Variants in CLSPN observed in about 807,000 individuals in gnomAD.
CLSPN encodes claspin, also known as claspin homolog.
In CLSPN, 85 loss-of-function variants were observed where a neutral mutation model predicts 156.3. The ratio of observed to expected loss-of-function variants is 0.54; its 90% CI spans 0.46 to 0.65. CLSPN has a LOEUF of 0.65. CLSPN is among the 30% of genes least tolerant of loss of function. The pLI, the probability that CLSPN is intolerant of heterozygous loss-of-function variation, is 0.00. For synonymous variants in CLSPN, 534 were observed against 542.4 expected (o/e 0.98, Z 0.22); for missense variants, 1,407 against 1,554.9 (o/e 0.90, Z 1.60).
chr1:35,737,991 C>A lies in CLSPN; in HGVS notation c.3664+1G>T. 1 of 1,457,596 alleles carries A rather than the reference C, an allele frequency of 6.9e-7. No individual in the cohort carries two copies. Among genetic ancestry groups the A allele is most frequent in the Non-Finnish European group, 9.2e-7 (1 of 1,088,618 alleles). The allele number at this position is 1,457,596 out of a possible 1,614,324, so 90.3% of individuals were successfully genotyped here. A position where few individuals can be genotyped will look rare whatever the true frequency, so the allele number is the denominator to read the frequency against. On this transcript the variant is annotated splice_donor_variant, in intron 22 of 24. Transcript: ENST00000318121. LOFTEE classifies it high-confidence loss of function. ...GACCCTAAGGAGAAACAAGAGCTCA[C>A]CATTCTTCTGCAGTGCTTTGGCTGT...
chr1:35,763,352 CA>C, intron 3 of CLSPN, 31 bp from the exon 4 acceptor site: 1 of 1,493,134 alleles, frequency 6.7e-7, no homozygotes, highest in South Asian at 1.3e-5. Flanking sequence ...AAGCATAATC[CA>C]ATCATTTAAA....
At position 35,734,572 on chromosome 1, in the gene CLSPN, T is replaced by C. The variant is rs1641398350; in HGVS notation, c.*1924A>G. On this transcript the variant is annotated 3_prime_UTR_variant, in exon 25 of 25. Coordinates refer to ENST00000318121, the MANE Select transcript of CLSPN (RefSeq NM_022111.4). ...GGCAGGTGCCTGTAATCCCTGCTAT[T>C]TGGGAGGCCGAGGCAGAATTGCTTG... The C allele has an allele frequency of 3.3e-6, 1 of 307,450 alleles. No homozygotes were observed. Among genetic ancestry groups the C allele is most frequent in the South Asian group, 1.3e-4 (1 of 7,776 alleles). 19.0% of individuals were successfully genotyped at this position (307,450 alleles called of 1,614,324 possible).
intron 1 of CLSPN, among the ~76,000 whole-genome samples, chr1:35,766,055 T>C (rs1259249713): frequency 1.4e-5 from 2 of 143,654 alleles, no homozygotes; most frequent in Non-Finnish European, 3.0e-5. Flanking sequence ...AGTGCAGTGG[T>C]GCAATCTCGG....
chr1:35,745,724 T>G (rs1472971988), intron 15 of CLSPN, among the ~76,000 whole-genome samples, 162 bp from the exon 16 acceptor site: 1 of 152,234 alleles, frequency 6.6e-6, no homozygotes, highest in Non-Finnish European at 1.5e-5. Flanking sequence ...GTGCTTACTA[T>G]GTGCCATATG....
In CLSPN at chr1:35,734,891, A is replaced by G. The variant is rs934849749; in HGVS notation, c.*1605T>C. 1 of 985,438 alleles carries G rather than the reference A, an allele frequency of 1.0e-6. No homozygotes were observed. The highest frequency in any genetic ancestry group is 1.2e-6 in the Non-Finnish European group (1 of 829,924). 61.0% of individuals were successfully genotyped at this position (985,438 alleles called of 1,614,324 possible). On this transcript the variant is annotated 3_prime_UTR_variant, in exon 25 of 25. Transcript: ENST00000318121. ...TTTTTCCAAAGCAGCACTGATGCTC[A>G]GTTCTGAGGGGAAAAACATTTGTCT...
intron 18 of CLSPN, among the ~76,000 whole-genome samples, chr1:35,742,398 A>G (rs1641725686): frequency 6.6e-6 from 1 of 152,014 alleles, no homozygotes; most frequent in Non-Finnish European, 1.5e-5. Flanking sequence ...GTCTTGCTCT[A>G]TCACCCAGGC....
intron 21 of CLSPN, 77 bp from the exon 22 acceptor site, chr1:35,738,174 T>C (rs1042272046): frequency 6.0e-6 from 4 of 661,844 alleles, no homozygotes. Flanking sequence ...CCTAAATAGT[T>C]AGCATGGCCT....
At position 35,734,725 on chromosome 1, in the gene CLSPN, A is replaced by G. The variant is rs1641408936; in HGVS notation, c.*1771T>C. ...AGAAAAGAAAAAGAAAAAGAAAAGA[A>G]AAGAAAAACTGTAAAAAACCTACAA... On this transcript the variant is annotated 3_prime_UTR_variant, in exon 25 of 25. Transcript: ENST00000318121. 1 of 975,202 alleles carries G rather than the reference A, an allele frequency of 1.0e-6. No individual in the cohort carries two copies. Among genetic ancestry groups the G allele is most frequent in the Non-Finnish European group, 1.2e-6 (1 of 820,816 alleles). The allele number at this position is 975,202 out of a possible 1,614,324, so 60.4% of individuals were successfully genotyped here.
At position 35,735,655 on chromosome 1, in the gene CLSPN, C is replaced by T. The variant is rs1641439480; in HGVS notation, c.*841G>A. The T allele has an allele frequency of 1.1e-6, 1 of 902,410 alleles. No homozygotes were observed. Among genetic ancestry groups the T allele is most frequent in the African/African-American group, 1.8e-5 (1 of 55,470 alleles). The allele number at this position is 902,410 out of a possible 1,614,324, so 55.9% of individuals were successfully genotyped here. On this transcript the variant is annotated 3_prime_UTR_variant, in exon 25 of 25. Coordinates refer to ENST00000318121, the MANE Select transcript of CLSPN (RefSeq NM_022111.4). Reference sequence around the variant, plus strand: ...CCCGGGAGGCAGAGGTTGCCGTGAGCCGAGATTGCGCCACTGCACTCCAGA... The same window carrying T: ...CCCGGGAGGCAGAGGTTGCCGTGAGTCGAGATTGCGCCACTGCACTCCAGA...
chr1:35,761,136 G>C lies in CLSPN; in HGVS notation c.964C>G (p.Pro322Ala). The C allele has an allele frequency of 6.2e-7, 1 of 1,613,784 alleles. No homozygotes were observed. Among genetic ancestry groups the C allele is most frequent in the Non-Finnish European group, 8.5e-7 (1 of 1,179,674 alleles). Residue 322 changes from proline to alanine, a missense_variant, in exon 7 of 25, where the codon CCC becomes GCC. Physicochemically the swap from Pro to Ala is conservative, Grantham distance 27. This residue lies in a region of CLSPN where 1,096 missense variants were observed against 1,193.0 expected (regional missense o/e 0.92). Transcript: ENST00000318121. The stretch of plus-strand genomic sequence containing the variant: ...GCATTTCCGTGGCAAGTGGGCCGGG[G>C]TTTACGTTTGAAGAAATCATGAATG... ...KTIHDFFKRK[P>A]RPTCHGNAMA...
intron 8 of CLSPN, 32 bp downstream of exon 8, chr1:35,760,310 C>T (rs769750266): frequency 6.4e-7 from 1 of 1,557,778 alleles, no homozygotes; most frequent in African/African-American, 1.4e-5. Context: ...GATAATCACT[C>T]CAGGGAGGCT....
intron 18 of CLSPN, among the ~76,000 whole-genome samples, chr1:35,740,810 T>A (rs1249571164): frequency 1.3e-5 from 2 of 152,184 alleles, no homozygotes; most frequent in African/African-American, 4.8e-5. Flanking sequence ...TTTCCCAAAC[T>A]TCCCACTTAC....
rs756358975 is a variant in CLSPN at position 35,745,565 on chromosome 1, A to AC, written c.2855-4dup. 4.4e-6 allele frequency: 7 copies of AC among 1,589,438 alleles called. No individual in the cohort carries two copies. The African/African-American group carries it at 9.4e-5, about 21-fold the overall frequency. ...TGATGAGGCTGGAGTGGAGGCATCTACATCACAACAAGGAAAAGATGTGTC... is the reference window on the plus strand; with the variant it reads ...TGATGAGGCTGGAGTGGAGGCATCTACCATCACAACAAGGAAAAGATGTGTC... On this transcript the variant is annotated splice_region_variant and splice_polypyrimidine_tract_variant and intron_variant, in intron 15 of 24. Transcript: ENST00000318121.
At chr1:35,738,209 G>T in intron 21 of CLSPN, 112 bp from the exon 22 acceptor site, 1 of 641,320 alleles carries the variant, frequency 1.6e-6, no homozygotes, top group Non-Finnish European at 2.4e-6. Context: ...GAGTTCCTGG[G>T]GTATTTGTTT....
chr1:35,722,541 C>T (rs780916268), intron 24 of CLSPN, among the ~76,000 whole-genome samples: 6 of 152,050 alleles, frequency 3.9e-5, no homozygotes, highest in Non-Finnish European at 7.4e-5. Context: ...TGAGCCACCA[C>T]ACCTGGCCTA....
At chr1:35,755,247 G>A (rs1642232568) in intron 8 of CLSPN, among the ~76,000 whole-genome samples, 1 of 151,320 alleles carries the variant, frequency 6.6e-6, no homozygotes, top group Admixed American at 6.6e-5. Flanking sequence ...CTATAGGCAT[G>A]TACCACCATA....
At chr1:35,769,637 G>A (rs1200786446) in intron 1 of CLSPN, among the ~76,000 whole-genome samples, 1 of 152,178 alleles carries the variant, frequency 6.6e-6, no homozygotes, top group Non-Finnish European at 1.5e-5. Flanking sequence ...CACGGAGCCC[G>A]AAGCGCGGGA....
At chr1:35,745,350 G>C in intron 16 of CLSPN, 101 bp downstream of exon 16, 2 of 795,716 alleles carry the variant, frequency 2.5e-6, no homozygotes, top group Non-Finnish European at 4.2e-6. Flanking sequence ...CAAATCCACT[G>C]CAAGATTCTC....
chr1:35,756,215 C>T (rs1402812128), intron 8 of CLSPN, among the ~76,000 whole-genome samples: 1 of 152,118 alleles, frequency 6.6e-6, no homozygotes, highest in African/African-American at 2.4e-5. Flanking sequence ...GTAAGTCTGC[C>T]TCCTATTTTG....
Sources: gnomAD v4.1 joint callset for allele counts (sites outside exome capture counted in the v4.1 genomes callset) on GRCh38, gnomAD v4.1.1 for gene constraint, gnomAD v4.1.1 regional missense constraint, MANE v1.5 for transcripts, NCBI Gene and HGNC (gene_info 2026-07-23, HGNC 2026-07-21) for gene names.